The following CHRM3 variants were observed in gnomAD, a reference collection of about 807,000 sequenced individuals.
The protein encoded by CHRM3 is muscarinic acetylcholine receptor M3.
Under a neutral mutation model 41.8 loss-of-function variants are expected in CHRM3, and 11 were observed. The ratio of observed to expected loss-of-function variants is 0.26; its 90% CI spans 0.17 to 0.44. The LOEUF is 0.44. CHRM3 is among the 20% of genes least tolerant of loss of function. The pLI, the probability that CHRM3 is intolerant of heterozygous loss-of-function variation, is 1.00. For missense variants in CHRM3, 571 were observed against 745.4 expected (o/e 0.77, Z 2.72); for synonymous variants, 297 against 301.4 (o/e 0.99, Z 0.15).
At position 239,649,246 on chromosome 1, in the gene CHRM3, G is replaced by A. The variant is rs531851012; in HGVS notation, c.-250+16960G>A. 2.5e-4 allele frequency among the ~76,000 whole-genome samples: 38 copies of A among 152,170 alleles called. 1 individual carries two copies. In the East Asian group the frequency reaches 4.6e-3, roughly 19 times the overall value. ...GAGGCCCAAGAGAGCTTATTTGCCCGTTTCATCATGTGAGTACTCAGTGAA... is the reference window on the plus strand; with the variant it reads ...GAGGCCCAAGAGAGCTTATTTGCCCATTTCATCATGTGAGTACTCAGTGAA... On this transcript the variant is annotated intron_variant, in intron 4 of 6. Coordinates refer to ENST00000676153, the MANE Select transcript of CHRM3 (RefSeq NM_001375978.1).
intron 1 of CHRM3, among the ~76,000 whole-genome samples, chr1:239,403,302 G>T (rs1271488646): frequency 1.3e-5 from 2 of 152,172 alleles, no homozygotes; most frequent in Non-Finnish European, 2.9e-5. Flanking sequence ...CCAAGGGCCT[G>T]CTTGGCACAT....
chr1:239,894,661 G>A (rs550943341), intron 6 of CHRM3, among the ~76,000 whole-genome samples: 36 of 151,756 alleles, frequency 2.4e-4, no homozygotes, highest in African/African-American at 7.0e-4. Flanking sequence ...TCGAACTCAT[G>A]CGCTCAAGTG....
chr1:239,699,110 C>T (rs1199270512), intron 5 of CHRM3, among the ~76,000 whole-genome samples: 2 of 151,918 alleles, frequency 1.3e-5, no homozygotes, highest in African/African-American at 4.8e-5. Context: ...TTTTTCTCAC[C>T]ATGATTTTAA....
intron 5 of CHRM3, among the ~76,000 whole-genome samples, chr1:239,692,761 A>C (rs536272693): frequency 4.6e-5 from 7 of 152,346 alleles, no homozygotes; most frequent in African/African-American, 1.7e-4. Context: ...ACAGACAGCA[A>C]CCACCAATGT....
intron 5 of CHRM3, among the ~76,000 whole-genome samples, chr1:239,740,840 A>G (rs1664787620): frequency 6.6e-6 from 1 of 152,230 alleles, no homozygotes. Context: ...GGCTGTGGAG[A>G]AATAAGAATG....
intron 3 of CHRM3, among the ~76,000 whole-genome samples, chr1:239,576,830 G>T (rs79401932): frequency 6.6e-6 from 1 of 151,136 alleles, no homozygotes; most frequent in East Asian, 1.9e-4. Flanking sequence ...CACAGCTACC[G>T]CAGACTATAG....
intron 4 of CHRM3, among the ~76,000 whole-genome samples, chr1:239,661,166 T>G (rs1033522253): frequency 2.0e-5 from 3 of 152,190 alleles, no homozygotes; most frequent in Non-Finnish European, 4.4e-5. Flanking sequence ...CTCCTATTTT[T>G]AAATGTCTTC....
chr1:239,544,997 C>G lies in CHRM3; in HGVS notation c.-421-644C>G, dbSNP rs577778750. 2.0e-5 allele frequency among the ~76,000 whole-genome samples: 3 copies of G among 152,228 alleles called. No individual in the cohort carries two copies. The South Asian group carries it at 6.2e-4, about 32-fold the overall frequency. ...TCTTTAAATCTGTAAAGCGAGATGA[C>G]TACATTGCAGATTTGTGGTGAAGAC... On this transcript the variant is annotated intron_variant, in intron 2 of 6. Transcript: ENST00000676153.
At chr1:239,765,370 G>A (rs1237554876) in intron 5 of CHRM3, among the ~76,000 whole-genome samples, 1 of 152,166 alleles carries the variant, frequency 6.6e-6, no homozygotes, top group African/African-American at 2.4e-5. Context: ...CTCACCACTA[G>A]GGAAGTAAGT....
At chr1:239,529,237 G>A (rs1267522842) in intron 2 of CHRM3, among the ~76,000 whole-genome samples, 1 of 152,200 alleles carries the variant, frequency 6.6e-6, no homozygotes, top group Non-Finnish European at 1.5e-5. Context: ...ATGCTTTGAA[G>A]TGATCATCTG....
chr1:239,766,241 A>G (rs1667198223), intron 5 of CHRM3, among the ~76,000 whole-genome samples: 1 of 152,222 alleles, frequency 6.6e-6, no homozygotes, highest in African/African-American at 2.4e-5. Flanking sequence ...ATACATGGAT[A>G]TGATGCCATG....
chr1:239,847,284 A>C (rs1192800334), intron 6 of CHRM3, among the ~76,000 whole-genome samples: 2 of 152,224 alleles, frequency 1.3e-5, no homozygotes, highest in Non-Finnish European at 2.9e-5. Context: ...GGTTACGTGC[A>C]CAGCTGAAAA....
intron 6 of CHRM3, among the ~76,000 whole-genome samples, chr1:239,852,089 C>T (rs1387907581): frequency 6.6e-6 from 1 of 152,080 alleles, no homozygotes; most frequent in African/African-American, 2.4e-5. Flanking sequence ...CATGAGACAG[C>T]AGGTCCAATT....
At chr1:239,859,168 G>C (rs976979369) in intron 6 of CHRM3, among the ~76,000 whole-genome samples, 1 of 152,176 alleles carries the variant, frequency 6.6e-6, no homozygotes, top group Admixed American at 6.5e-5. Context: ...ATAATTTATG[G>C]ACTGTTTTCT....
At chr1:239,785,341 C>T (rs1031433886) in intron 5 of CHRM3, among the ~76,000 whole-genome samples, 2 of 152,144 alleles carry the variant, frequency 1.3e-5, no homozygotes, top group Non-Finnish European at 2.9e-5. Context: ...TTATTAAACC[C>T]GGTTATGTGA....
chr1:239,815,316 T>C (rs1671488496), intron 5 of CHRM3, among the ~76,000 whole-genome samples: 1 of 152,222 alleles, frequency 6.6e-6, no homozygotes. Context: ...CCGGAGGAAA[T>C]GTGTGACTTT....
intron 1 of CHRM3, among the ~76,000 whole-genome samples, chr1:239,456,019 G>C (rs1664907131): frequency 6.6e-6 from 1 of 152,292 alleles, no homozygotes; most frequent in African/African-American, 2.4e-5. Context: ...GGTTTATATA[G>C]TGGGGAGTTG....
intron 4 of CHRM3, among the ~76,000 whole-genome samples, chr1:239,649,190 G>T (rs909373360): frequency 3.6e-4 from 55 of 152,202 alleles, no homozygotes; most frequent in African/African-American, 1.3e-3. Context: ...GGGCCTTTGG[G>T]AGGTTACAAG....
At chr1:239,424,065 A>AG (rs1301538925) in intron 1 of CHRM3, among the ~76,000 whole-genome samples, 8 of 151,738 alleles carry the variant, frequency 5.3e-5, no homozygotes, top group African/African-American at 1.9e-4. Flanking sequence ...AAAAAAAAAA[A>AG]AAAAAAGAAA....
Sources: gnomAD v4.1 joint callset for allele counts (sites outside exome capture counted in the v4.1 genomes callset) on GRCh38, gnomAD v4.1.1 for gene constraint, MANE v1.5 for transcripts, NCBI Gene and HGNC (gene_info 2026-07-23, HGNC 2026-07-21) for gene names.